ANKFY1: variants seen among roughly 807,000 people sequenced by gnomAD.
ANKFY1 encodes ankyrin repeat and FYVE domain-containing protein 1.
In ANKFY1, 47 loss-of-function variants were observed where a neutral mutation model predicts 128.3. The ratio of observed to expected loss-of-function variants is 0.37; its 90% CI spans 0.29 to 0.47. The LOEUF is 0.47. Ranked by LOEUF, ANKFY1 falls within the 20% of genes least tolerant of loss-of-function variation. The pLI is 1.00. For synonymous variants in ANKFY1, 553 were observed against 601.6 expected (o/e 0.92, Z 1.18); for missense variants, 1,222 against 1,510.6 (o/e 0.81, Z 3.17).
intron 3 of ANKFY1, among the ~76,000 whole-genome samples, chr17:4,230,873 A>G (rs192645580): frequency 1.0e-3 from 154 of 152,360 alleles, no homozygotes; most frequent in African/African-American, 3.4e-3. Context: ...ATCTTCCCCT[A>G]TTATTAATAC....
At chr17:4,203,007 CCACA>C (rs1412958251) in intron 7 of ANKFY1, among the ~76,000 whole-genome samples, 1 of 147,900 alleles carries the variant, frequency 6.8e-6, no homozygotes, top group African/African-American at 2.5e-5. Context: ...TATATTCACC[CCACA>C]CAAAGAAGCT....
intron 10 of ANKFY1, among the ~76,000 whole-genome samples, chr17:4,194,104 T>TATA (rs58136411): frequency 0.028 from 1,205 of 42,652 alleles, 6 homozygotes; most frequent in East Asian, 0.047. Context: ...TATATATATA[T>TATA]TTTTTTTTTT....
chr17:4,176,136 G>A (rs2059408195), intron 19 of ANKFY1, among the ~76,000 whole-genome samples: 1 of 152,132 alleles, frequency 6.6e-6, no homozygotes, highest in Non-Finnish European at 1.5e-5. Flanking sequence ...TCACTGCCAC[G>A]GCCTCCGCTC....
intron 1 of ANKFY1, among the ~76,000 whole-genome samples, chr17:4,254,615 AT>A (rs1429529941): frequency 6.6e-6 from 1 of 152,238 alleles, no homozygotes; most frequent in Non-Finnish European, 1.5e-5. Flanking sequence ...GTTTTAAGCC[AT>A]CTAGCTTGTG....
intron 2 of ANKFY1, among the ~76,000 whole-genome samples, chr17:4,241,464 T>C (rs2143373141): frequency 6.6e-6 from 1 of 151,776 alleles, no homozygotes; most frequent in East Asian, 2.0e-4. Flanking sequence ...TATTTTTTTG[T>C]AGAGACGGGG....
At chr17:4,260,618 C>CAAAAAA (rs60030304) in intron 1 of ANKFY1, among the ~76,000 whole-genome samples, 2 of 65,104 alleles carry the variant, frequency 3.1e-5, no homozygotes, top group Non-Finnish European at 5.3e-5. Context: ...ATCCTGTCTC[C>CAAAAAA]AAAAAAAAAA....
At chr17:4,241,091 G>A (rs758656253) in intron 2 of ANKFY1, among the ~76,000 whole-genome samples, 3 of 152,120 alleles carry the variant, frequency 2.0e-5, no homozygotes, top group Non-Finnish European at 2.9e-5. Flanking sequence ...ACAACTGAGC[G>A]CTTACTATGT....
intron 1 of ANKFY1, chr17:4,263,589 G>A (rs1567989454): frequency 5.9e-6 from 9 of 1,534,856 alleles, no homozygotes; most frequent in Non-Finnish European, 7.0e-6. Context: ...TAAGGAGAAG[G>A]CTTACTTCCC....
chr17:4,182,969 G>C (rs538660422), intron 14 of ANKFY1, among the ~76,000 whole-genome samples: 1 of 152,190 alleles, frequency 6.6e-6, no homozygotes, highest in Admixed American at 6.5e-5. Flanking sequence ...AGCTGGGCGT[G>C]GTGGTGGGCG....
chr17:4,203,679 G>T (rs2059971520), intron 7 of ANKFY1, among the ~76,000 whole-genome samples: 1 of 151,950 alleles, frequency 6.6e-6, no homozygotes, highest in South Asian at 2.1e-4. Flanking sequence ...GCCGGGCGTG[G>T]TGGCAGGTGC....
rs145219008 is a variant in ANKFY1 at position 4,251,169 on chromosome 17, A to G, written c.11-8721T>C. ...CTGACAATGGTGTGAAGGCATTTCA[A>G]TGAGGAAAGAACAATGGGACCAGAA... On this transcript the variant is annotated intron_variant, in intron 1 of 24. Transcript: ENST00000341657. Among the ~76,000 whole-genome samples, 21 of 152,348 alleles carry G rather than the reference A, an allele frequency of 1.4e-4. 1 individual carries two copies. In the East Asian group the frequency reaches 4.0e-3, roughly 29 times the overall value.
At position 4,197,378 on chromosome 17, in the gene ANKFY1, C is replaced by G; in HGVS notation, c.1098G>C (p.Lys366Asn). The part of the protein sequence containing the change: ...AGANPNMQDS[K>N]GRTPLHVSIM... ...GTGTCTGCTCCCCAGCTTACCTCCC[C>G]TTGCTGTCCTGCATGTTGGGGTTGG... is the stretch of plus-strand genomic sequence containing the variant. Residue 366 changes from lysine to asparagine, a missense_variant, in exon 8 of 25, where the codon AAG (lysine) becomes AAC (asparagine). Lys to Asn is a moderately conservative substitution (Grantham distance 94). Transcript: ENST00000341657. 1 of 1,614,084 alleles carries G rather than the reference C, an allele frequency of 6.2e-7. No homozygotes were observed. Among genetic ancestry groups the G allele is most frequent in the South Asian group, 1.1e-5 (1 of 91,072 alleles).
chr17:4,240,869 C>A (rs1835207869), intron 2 of ANKFY1, among the ~76,000 whole-genome samples: 1 of 152,146 alleles, frequency 6.6e-6, no homozygotes, highest in South Asian at 2.1e-4. Context: ...CTAAACTGGC[C>A]CCCTCCCTGT....
chr17:4,167,773 G>A lies in ANKFY1; in HGVS notation c.*6C>T, dbSNP rs1208515177. The A allele has an allele frequency of 5.0e-6, 8 of 1,612,014 alleles. No individual in the cohort carries two copies. In the Admixed American group the frequency reaches 1.3e-4, roughly 27 times the overall value. The stretch of plus-strand genomic sequence containing the variant: ...AGGACGTGGCCTGGACCCTCCGGGG[G>A]GCTCACTAAGAAACCCCACCCAGAG... On this transcript the variant is annotated 3_prime_UTR_variant, in exon 25 of 25. Coordinates refer to ENST00000341657, the MANE Select transcript of ANKFY1 (RefSeq NM_001330063.2). The surrounding 1 kb of genome is among the most constrained non-coding windows in gnomAD (Gnocchi z 4.1).
At chr17:4,228,798 T>TA (rs1467438900) in intron 3 of ANKFY1, among the ~76,000 whole-genome samples, 3 of 152,138 alleles carry the variant, frequency 2.0e-5, no homozygotes, top group Admixed American at 6.6e-5. Flanking sequence ...TGCACACTTT[T>TA]AATGTGGGCA....
At chr17:4,182,465 A>C in intron 14 of ANKFY1, 116 bp from the exon 15 acceptor site, 2 of 739,590 alleles carry the variant, frequency 2.7e-6, no homozygotes, top group Non-Finnish European at 4.0e-6. Context: ...TTCACTCACA[A>C]TCATTCAATA....
rs950622696 is a variant in ANKFY1, at chr17:4,181,948, C to T, written c.2121+233G>A. Among the ~76,000 whole-genome samples the T allele has an allele frequency of 6.6e-6, 1 of 152,134 alleles. No individual in the cohort carries two copies. Among genetic ancestry groups the T allele is most frequent in the African/African-American group, 2.4e-5 (1 of 41,430 alleles). On this transcript the variant is annotated intron_variant, in intron 15 of 24. Transcript: ENST00000341657. This position sits in a 1 kb window ranked among gnomAD's most constrained non-coding sequence, Gnocchi z 4.9. ...CAGGAGAAGGCTCCTGAGGAAACGC[C>T]GCCATTCTCTTGCTTCTTGGTAGTT...
At chr17:4,232,946 AG>A (rs2060538115) in intron 3 of ANKFY1, among the ~76,000 whole-genome samples, 1 of 152,122 alleles carries the variant, frequency 6.6e-6, no homozygotes, top group Non-Finnish European at 1.5e-5. Flanking sequence ...AATAAAACTG[AG>A]GAACATTAAC....
In ANKFY1 at chr17:4,207,934, TG is replaced by T; in HGVS notation, c.730del (p.Gln244SerfsTer6). ...GAATGGAAAAGGCAGCTACAGTACCTGGGAATCCATTTCAATCAGATACAGG... is the reference window on the plus strand; with the variant it reads ...GAATGGAAAAGGCAGCTACAGTACCTGGAATCCATTTCAATCAGATACAGG... ...VFLYLIEMDS[Q>X]LPGKLNEADH... On this transcript the variant is annotated frameshift_variant and splice_region_variant, in exon 6 of 25. Transcript: ENST00000341657. LOFTEE classifies it high-confidence loss of function. 2 of 1,589,302 alleles carry T rather than the reference TG, an allele frequency of 1.3e-6. No individual in the cohort carries two copies. Among genetic ancestry groups the T allele is most frequent in the Non-Finnish European group, 8.5e-7 (1 of 1,170,382 alleles).
Sources: allele counts gnomAD v4.1 joint callset (sites outside exome capture counted in the v4.1 genomes callset), GRCh38; gene constraint gnomAD v4.1.1; non-coding constraint Gnocchi (gnomAD v3.1); transcripts MANE v1.5; gene names NCBI Gene and HGNC (gene_info 2026-07-23, HGNC 2026-07-21).